METAP1: variants seen among roughly 807,000 people sequenced by gnomAD.
The protein encoded by METAP1 is methionyl aminopeptidase 1, also known as methionine aminopeptidase 1.
METAP1 carries 28 observed loss-of-function variants against 53.8 expected under a neutral mutation model. The ratio of observed to expected loss-of-function variants is 0.52; its 90% CI spans 0.39 to 0.71. The LOEUF (loss-of-function observed/expected upper bound fraction) is 0.71, where lower values mean the gene tolerates loss of function less well. Ranked by LOEUF, METAP1 falls within the 30% of genes least tolerant of loss-of-function variation. METAP1 has a pLI of 0.00. For synonymous variants in METAP1, 181 were observed against 165.7 expected (o/e 1.09, Z -0.71); for missense variants, 389 against 479.8 (o/e 0.81, Z 1.77).
At chr4:99,039,274 CAGTG>C in intron 4 of METAP1, 96 bp from the exon 5 acceptor site, 1 of 650,980 alleles carries the variant, frequency 1.5e-6, no homozygotes, top group East Asian at 2.8e-5. Context: ...TTGTGTGAAA[CAGTG>C]AGACTACTGT....
At chr4:99,040,287 C>T (rs1180576549) in intron 5 of METAP1, among the ~76,000 whole-genome samples, 2 of 152,030 alleles carry the variant, frequency 1.3e-5, no homozygotes, top group African/African-American at 4.8e-5. Flanking sequence ...GTGGTTGGTA[C>T]TCATTAGGTG....
chr4:98,998,527 AAAAAAC>A (rs142016819), intron 1 of METAP1, among the ~76,000 whole-genome samples: 5,360 of 152,268 alleles, frequency 0.035, 145 homozygotes, highest in Non-Finnish European at 0.051. Context: ...CGTCTCAAGA[AAAAAAC>A]AAAAACAAAA....
At chr4:99,053,998 G>T (rs1001822248) in intron 9 of METAP1, among the ~76,000 whole-genome samples, 2 of 146,884 alleles carry the variant, frequency 1.4e-5, no homozygotes, top group African/African-American at 5.5e-5. Flanking sequence ...AGCACAGGCA[G>T]AGTAGATTTC....
At chr4:99,015,289 T>G (rs897673208) in intron 1 of METAP1, among the ~76,000 whole-genome samples, 1 of 152,188 alleles carries the variant, frequency 6.6e-6, no homozygotes, top group Non-Finnish European at 1.5e-5. Context: ...AAAGGACTAA[T>G]TGGGATAATA....
intron 1 of METAP1, among the ~76,000 whole-genome samples, chr4:99,013,663 T>A (rs1723597509): frequency 6.6e-6 from 1 of 152,112 alleles, no homozygotes; most frequent in African/African-American, 2.4e-5. Context: ...CTTAACTGGA[T>A]TGGTTAATAA....
chr4:99,015,992 C>T lies in METAP1; in HGVS notation c.115-12875C>T, dbSNP rs528326390. Among the ~76,000 whole-genome samples the T allele has an allele frequency of 5.9e-5, 9 of 152,222 alleles. No individual in the cohort carries two copies. The South Asian group carries it at 1.5e-3, about 25-fold the overall frequency. On this transcript the variant is annotated intron_variant, in intron 1 of 10. Transcript: ENST00000296411. The stretch of plus-strand genomic sequence containing the variant: ...ATGGGTCCACCCCTTCTCGGCAGTG[C>T]GAACTGCGGTTTCGATGGTCAATAA...
intron 10 of METAP1, among the ~76,000 whole-genome samples, chr4:99,059,126 A>G (rs1727358728): frequency 6.6e-6 from 1 of 152,228 alleles, no homozygotes; most frequent in Admixed American, 6.5e-5. Flanking sequence ...TCAGTAAGCA[A>G]ATAACTTTCT....
intron 9 of METAP1, among the ~76,000 whole-genome samples, chr4:99,054,763 T>G (rs1296454447): frequency 6.6e-6 from 1 of 152,134 alleles, no homozygotes; most frequent in Non-Finnish European, 1.5e-5. Context: ...GTGGCCTAAT[T>G]TCAGTATTGT....
chr4:99,054,313 A>T (rs1726939829), intron 9 of METAP1, among the ~76,000 whole-genome samples: 1 of 152,182 alleles, frequency 6.6e-6, no homozygotes, highest in Non-Finnish European at 1.5e-5. Context: ...TATGTAATGG[A>T]GACGGATTCT....
chr4:99,015,804 A>G (rs1723727908), intron 1 of METAP1, among the ~76,000 whole-genome samples: 1 of 152,238 alleles, frequency 6.6e-6, no homozygotes, highest in African/African-American at 2.4e-5. Flanking sequence ...AGATGATTCC[A>G]ATCTAGTTAT....
intron 9 of METAP1, among the ~76,000 whole-genome samples, chr4:99,051,898 C>G (rs1474652258): frequency 6.6e-6 from 1 of 152,062 alleles, no homozygotes; most frequent in African/African-American, 2.4e-5. Flanking sequence ...TTCCTCCACT[C>G]CTTCTATGTA....
intron 1 of METAP1, among the ~76,000 whole-genome samples, chr4:99,004,141 G>A (rs1723051691): frequency 6.6e-6 from 1 of 152,268 alleles, no homozygotes; most frequent in Non-Finnish European, 1.5e-5. Flanking sequence ...ATTGGGGAAG[G>A]GATGCCAAGC....
At position 99,062,491 on chromosome 4, in the gene METAP1, A is replaced by C. The variant is rs776502756; in HGVS notation, c.*1174A>C. The C allele has an allele frequency of 6.6e-6, 1 of 152,646 alleles. No individual in the cohort carries two copies. Among genetic ancestry groups the C allele is most frequent in the Admixed American group, 6.5e-5 (1 of 15,278 alleles). 9.5% of individuals were successfully genotyped at this position (152,646 alleles called of 1,614,324 possible). A position where few individuals can be genotyped will look rare whatever the true frequency, so the allele number is the denominator to read the frequency against. On this transcript the variant is annotated 3_prime_UTR_variant, in exon 11 of 11. Transcript: ENST00000296411. ...GAGTGTATCCAGTGAAGACATATCA[A>C]ATCACAAAGTCATTGTCATTAGAGT... is the stretch of plus-strand genomic sequence containing the variant.
chr4:99,047,983 A>G (rs1483675711), intron 8 of METAP1, among the ~76,000 whole-genome samples: 1 of 152,174 alleles, frequency 6.6e-6, no homozygotes, highest in Non-Finnish European at 1.5e-5. Flanking sequence ...AGGGGAAGTA[A>G]GTCTTTTAGA....
At chr4:99,023,887 T>C (rs1724330331) in intron 1 of METAP1, 2 of 672,160 alleles carry the variant, frequency 3.0e-6, no homozygotes, top group Non-Finnish European at 3.7e-6. Context: ...TACTTATTCA[T>C]GCAGAGCCAG....
chr4:99,012,431 C>G (rs542259171), intron 1 of METAP1, among the ~76,000 whole-genome samples: 1 of 151,778 alleles, frequency 6.6e-6, no homozygotes, highest in East Asian at 1.9e-4. Context: ...CCTGCCACCA[C>G]GCCCGGCTAA....
chr4:99,022,574 G>A (rs1342904589), intron 1 of METAP1: 1 of 650,362 alleles, frequency 1.5e-6, no homozygotes. Flanking sequence ...ACACTTTGAA[G>A]ATAGAAGATG....
intron 4 of METAP1, chr4:99,036,142 T>A (rs963199407): frequency 1.9e-5 from 3 of 154,214 alleles, no homozygotes; most frequent in Non-Finnish European, 4.4e-5. Context: ...TAATTTAGAC[T>A]TTGTGAAATT....
intron 9 of METAP1, among the ~76,000 whole-genome samples, chr4:99,049,642 A>G (rs1230206): frequency 0.23 from 35,001 of 152,082 alleles, 5,802 homozygotes; most frequent in East Asian, 0.8. Flanking sequence ...AATGTCAGAA[A>G]TGAAAGCTGT....
Sources: gnomAD v4.1 joint callset for allele counts (sites outside exome capture counted in the v4.1 genomes callset) on GRCh38, gnomAD v4.1.1 for gene constraint, MANE v1.5 for transcripts, NCBI Gene and HGNC (gene_info 2026-07-23, HGNC 2026-07-21) for gene names.